AK1: variants seen among roughly 807,000 people sequenced by gnomAD.
AK1 encodes the protein adenylate kinase isoenzyme 1.
A neutral mutation model predicts 23.9 loss-of-function variants in AK1; 13 were observed. That is an observed-to-expected ratio of 0.54 (90% CI 0.35 to 0.86). The LOEUF (loss-of-function observed/expected upper bound fraction) is 0.86. Ranked by LOEUF, AK1 falls within the 40% of genes least tolerant of loss-of-function variation. The pLI, the probability that AK1 is intolerant of heterozygous loss-of-function variation, is 0.01. For missense variants in AK1, 214 were observed against 255.1 expected (o/e 0.84, Z 1.10); for synonymous variants, 97 against 102.8 (o/e 0.94, Z 0.34).
rs1440073852 is a variant in AK1 at position 127,877,067 on chromosome 9, C to T, written c.-33+556G>A. On this transcript the variant is annotated intron_variant, in intron 1 of 6. Transcript: ENST00000644144. This position sits in a 1 kb window ranked among gnomAD's most constrained non-coding sequence, Gnocchi z 5.2. The stretch of plus-strand genomic sequence containing the variant: ...TTGGTGTCCCCTCTCTGGGCCTGTC[C>T]TGCTGCTGCTGAGGAGTACCAGGCG... 6.6e-6 allele frequency among the ~76,000 whole-genome samples: 1 copy of T among 152,200 alleles called. No homozygotes were observed. The highest frequency in any genetic ancestry group is 1.5e-5 in the Non-Finnish European group (1 of 68,028).
In AK1 at chr9:127,877,141, G is replaced by T. The variant is rs967464293; in HGVS notation, c.-33+482C>A. Reference sequence around the variant, plus strand: ...GGCCCCAAGCGCTGGCCCTGGTCAGGAGGCTAGGGCAAGCTCTGAGCATCC... The same window carrying T: ...GGCCCCAAGCGCTGGCCCTGGTCAGTAGGCTAGGGCAAGCTCTGAGCATCC... On this transcript the variant is annotated intron_variant, in intron 1 of 6. Transcript: ENST00000644144. This position sits in a 1 kb window ranked among gnomAD's most constrained non-coding sequence, Gnocchi z 5.2. Among the ~76,000 whole-genome samples the T allele has an allele frequency of 6.6e-6, 1 of 152,174 alleles. No individual in the cohort carries two copies. Among genetic ancestry groups the T allele is most frequent in the African/African-American group, 2.4e-5 (1 of 41,436 alleles).
chr9:127,869,124 T>C (rs1454536976), intron 5 of AK1, among the ~76,000 whole-genome samples: 1 of 152,144 alleles, frequency 6.6e-6, no homozygotes, highest in Admixed American at 6.5e-5. Context: ...CTGAGCAATG[T>C]CCGTGTCATT....
chr9:127,874,586 G>T, intron 2 of AK1, 25 bp downstream of exon 2: 1 of 1,613,248 alleles, frequency 6.2e-7, no homozygotes, highest in South Asian at 1.1e-5. Context: ...CCCAGGCAAT[G>T]GGCAAAAGGA....
At position 127,868,568 on chromosome 9, in the gene AK1, C is replaced by G; in HGVS notation, c.325-56G>C. On this transcript the variant is annotated intron_variant, in intron 5 of 6. Transcript: ENST00000644144. This position sits in a 1 kb window ranked among gnomAD's most constrained non-coding sequence, Gnocchi z 4.1. ...CATTCCTGCCCCCTAGGGCCATCTC[C>G]TCCCCATCTTCCCATCTATGAAGCC... is the stretch of plus-strand genomic sequence containing the variant. 1 of 1,533,544 alleles carries G rather than the reference C, an allele frequency of 6.5e-7. No individual in the cohort carries two copies. Among genetic ancestry groups the G allele is most frequent in the Non-Finnish European group, 8.8e-7 (1 of 1,134,736 alleles). 95.0% of individuals were successfully genotyped at this position (1,533,544 alleles called of 1,614,324 possible).
chr9:127,873,109 C>T lies in AK1; in HGVS notation c.8-48G>A, dbSNP rs748504155. 3.1e-6 allele frequency: 5 copies of T among 1,597,594 alleles called. No individual in the cohort carries two copies. In the East Asian group the frequency reaches 6.9e-5, roughly 22 times the overall value. ...AGGGCTCAGTCACTCGCTGGACCCACAGCCAGAGGCACCTCTGGAGTCCCA... is the reference window on the plus strand; with the variant it reads ...AGGGCTCAGTCACTCGCTGGACCCATAGCCAGAGGCACCTCTGGAGTCCCA... On this transcript the variant is annotated intron_variant, in intron 2 of 6. Coordinates refer to ENST00000644144, the MANE Select transcript of AK1 (RefSeq NM_000476.3).
At chr9:127,870,447 C>G (rs1171521003) in intron 5 of AK1, among the ~76,000 whole-genome samples, 1 of 152,162 alleles carries the variant, frequency 6.6e-6, no homozygotes, top group East Asian at 1.9e-4. Context: ...GATCTGCCCT[C>G]TTTGGCCTCC....
intron 1 of AK1, among the ~76,000 whole-genome samples, chr9:127,876,361 C>T (rs779483136): frequency 2.8e-4 from 42 of 152,242 alleles, no homozygotes; most frequent in Non-Finnish European, 5.3e-4. Flanking sequence ...TCCATCCTCA[C>T]TGCCATCTTG....
chr9:127,871,306 T>A lies in AK1; in HGVS notation c.324+517A>T. Among the ~76,000 whole-genome samples, 1 of 151,744 alleles carries A rather than the reference T, an allele frequency of 6.6e-6. No homozygotes were observed. The highest frequency in any genetic ancestry group is 2.4e-5 in the African/African-American group (1 of 41,022). On this transcript the variant is annotated intron_variant, in intron 5 of 6. Coordinates refer to ENST00000644144, the MANE Select transcript of AK1 (RefSeq NM_000476.3). The surrounding 1 kb of genome is among the most constrained non-coding windows in gnomAD (Gnocchi z 4.4). ...CTGGAAGGAGACTGATGTCCCTTTA[T>A]GGCATTTGCAGCCTCCAGCCAGGCT... is the stretch of plus-strand genomic sequence containing the variant.
intron 5 of AK1, among the ~76,000 whole-genome samples, chr9:127,869,993 G>A (rs1241328135): frequency 2.0e-5 from 3 of 152,152 alleles, no homozygotes; most frequent in Non-Finnish European, 4.4e-5. Flanking sequence ...TCCACAACGG[G>A]CACTGCCAGT....
rs1469160829 is a variant in AK1 at position 127,872,836 on chromosome 9, T to A, written c.61A>T (p.Lys21Ter). ...ACGATCTTCTCACACTGGGTGCCCT[T>A]CCCTGAGCCAGGCCCACCTGCAAAC... ...IFVVGGPGSG[K>*]GTQCEKIVQK... The change falls in exon 4 of 7, where the codon AAG (lysine) becomes TAG (stop). Residue 21 changes from lysine (K) to a stop codon, truncating the protein, a stop_gained. Coordinates refer to ENST00000644144, the MANE Select transcript of AK1 (RefSeq NM_000476.3). LOFTEE classifies it high-confidence loss of function. The A allele has an allele frequency of 6.2e-7, 1 of 1,614,026 alleles. No individual in the cohort carries two copies. The highest frequency in any genetic ancestry group is 1.1e-5 in the South Asian group (1 of 91,070).
At chr9:127,873,500 C>G in intron 2 of AK1, 2 of 1,451,668 alleles carry the variant, frequency 1.4e-6, no homozygotes, top group Middle Eastern at 1.8e-4. Flanking sequence ...CTCTCAGGCC[C>G]TGGGCCGGCC....
upstream of AK1, chr9:127,879,594 G>T (rs1763479101): frequency 8.4e-6 from 1 of 118,986 alleles, no homozygotes. Flanking sequence ...TTGCACTCCA[G>T]ACTGGGCAAC....
Position 127,871,893 on chromosome 9 carries a change from T to C in AK1, c.254A>G (p.Asn85Ser), listed in dbSNP as rs147616730. Reference sequence around the variant, plus strand: ...ATCAATCAGGAAGCCTTTGGAAGTATTGACTTTGGCCACCATGGCATCCCG... The same window carrying C: ...ATCAATCAGGAAGCCTTTGGAAGTACTGACTTTGGCCACCATGGCATCCCG... ...MLRDAMVAKV[N>S]TSKGFLIDGY... Residue 85 changes from asparagine to serine, a missense_variant, in exon 5 of 7, where the codon AAT becomes AGT. Asn to Ser is a conservative substitution (Grantham distance 46). Transcript: ENST00000644144. The surrounding 1 kb of genome is among the most constrained non-coding windows in gnomAD (Gnocchi z 4.4). 8.1e-6 allele frequency: 13 copies of C among 1,614,000 alleles called. No individual in the cohort carries two copies. The highest frequency in any genetic ancestry group is 5.5e-5 in the South Asian group (5 of 91,082).
upstream of AK1, chr9:127,877,767 G>A (rs1217197976): frequency 6.6e-6 from 1 of 152,406 alleles, no homozygotes; most frequent in African/African-American, 2.4e-5. This position sits in a 1 kb window ranked among gnomAD's most constrained non-coding sequence, Gnocchi z 5.2. Flanking sequence ...GCGGGAAGGA[G>A]GGAGGGAGAG....
rs1427018316 is a variant in AK1 at position 127,868,874 on chromosome 9, C to G, written c.325-362G>C. ...TCCTAACTCGCCTTCACCTCAATAC[C>G]AAGCATCAGGTTTCAGTGCGAAGCT... On this transcript the variant is annotated intron_variant, in intron 5 of 6. Transcript: ENST00000644144. This position sits in a 1 kb window ranked among gnomAD's most constrained non-coding sequence, Gnocchi z 4.1. Among the ~76,000 whole-genome samples the G allele has an allele frequency of 6.6e-6, 1 of 152,200 alleles. No individual in the cohort carries two copies. Among genetic ancestry groups the G allele is most frequent in the African/African-American group, 2.4e-5 (1 of 41,436 alleles).
At chr9:127,877,841 C>CCCGGCA (rs1172697750), upstream of AK1, 1 of 152,258 alleles carries the variant, frequency 6.6e-6, no homozygotes, top group Non-Finnish European at 1.5e-5. This position sits in a 1 kb window ranked among gnomAD's most constrained non-coding sequence, Gnocchi z 5.2. Context: ...CGACACCGCA[C>CCCGGCA]CCGGCACCGT....
At chr9:127,873,281 A>G in intron 2 of AK1, 1 of 1,532,770 alleles carries the variant, frequency 6.5e-7, no homozygotes, top group Non-Finnish European at 8.7e-7. Context: ...CCAGGCAGCC[A>G]GACGGGCAGA....
At chr9:127,875,053 C>T (rs770557379) in intron 1 of AK1, 7 of 247,956 alleles carry the variant, frequency 2.8e-5, no homozygotes, top group South Asian at 2.5e-4. Flanking sequence ...ACCTTGACAA[C>T]GCTCCCCAGG....
intron 5 of AK1, among the ~76,000 whole-genome samples, chr9:127,870,568 G>A (rs1002389587): frequency 6.6e-6 from 1 of 152,170 alleles, no homozygotes; most frequent in Non-Finnish European, 1.5e-5. Flanking sequence ...GCTGGTATGT[G>A]TGAGCCAGGC....
Sources: allele counts gnomAD v4.1 joint callset (sites outside exome capture counted in the v4.1 genomes callset), GRCh38; gene constraint gnomAD v4.1.1; non-coding constraint Gnocchi (gnomAD v3.1); transcripts MANE v1.5; gene names NCBI Gene and HGNC (gene_info 2026-07-23, HGNC 2026-07-21).